QTMAN: variants seen among roughly 807,000 people sequenced by gnomAD.
QTMAN encodes queuosine-tRNA mannosyltransferase, also known as tRNA-queuosine alpha-mannosyltransferase.
the QTMAN span, among the ~76,000 whole-genome samples, chr2:144,259,955 A>C: frequency 2.0e-5 from 3 of 152,162 alleles, no homozygotes; most frequent in African/African-American, 7.2e-5. Flanking sequence ...AATAGAATGC[A>C]AATGTTGCAC....
the QTMAN span, among the ~76,000 whole-genome samples, chr2:144,136,395 A>AAAGGAAAGG: frequency 1.2e-3 from 120 of 97,452 alleles, 1 homozygote; most frequent in African/African-American, 2.9e-3. Flanking sequence ...AAGGAAAAGG[A>AAAGGAAAGG]AAAGGAAAGG....
At chr2:144,153,386 T>C in the QTMAN span, among the ~76,000 whole-genome samples, 1 of 152,170 alleles carries the variant, frequency 6.6e-6, no homozygotes, top group Non-Finnish European at 1.5e-5. Context: ...AAGATTACTC[T>C]AAATATAACC....
chr2:144,327,645 GC>G, the QTMAN span, among the ~76,000 whole-genome samples: 6 of 152,244 alleles, frequency 3.9e-5, no homozygotes, highest in South Asian at 1.2e-3. Flanking sequence ...CAGCCATGGA[GC>G]CTAGATCTCA....
At chr2:144,137,725 G>A in the QTMAN span, among the ~76,000 whole-genome samples, 3 of 151,786 alleles carry the variant, frequency 2.0e-5, no homozygotes, top group South Asian at 6.2e-4. Context: ...GAGAGAGAAA[G>A]AGAGAGAGAG....
At chr2:144,317,051 A>T in the QTMAN span, among the ~76,000 whole-genome samples, 5 of 152,180 alleles carry the variant, frequency 3.3e-5, no homozygotes, top group African/African-American at 1.2e-4. Flanking sequence ...TCATAATGAT[A>T]ACAAGCCACT....
chr2:144,148,720 A>G, the QTMAN span, among the ~76,000 whole-genome samples: 1 of 151,824 alleles, frequency 6.6e-6, no homozygotes, highest in East Asian at 1.9e-4. Flanking sequence ...ATTCAACCCT[A>G]AAGTTCAGCC....
chr2:144,092,708 T>C, the QTMAN span, among the ~76,000 whole-genome samples: 3 of 152,188 alleles, frequency 2.0e-5, no homozygotes, highest in East Asian at 3.8e-4. Context: ...CTTGAGGTAG[T>C]AGTTTCCTAA....
the QTMAN span, among the ~76,000 whole-genome samples, chr2:144,066,440 A>G: frequency 6.6e-6 from 1 of 152,294 alleles, no homozygotes; most frequent in East Asian, 1.9e-4. Flanking sequence ...CATTTAGCCA[A>G]TTTTTCAGCA....
the QTMAN span, among the ~76,000 whole-genome samples, chr2:143,976,287 TTGTTA>T: frequency 6.6e-6 from 1 of 152,208 alleles, no homozygotes; most frequent in Non-Finnish European, 1.5e-5. Context: ...CCTTAGTTTC[TTGTTA>T]CTTGGGGTTC....
chr2:144,271,753 T>C, the QTMAN span, among the ~76,000 whole-genome samples: 1 of 152,080 alleles, frequency 6.6e-6, no homozygotes, highest in Non-Finnish European at 1.5e-5. Flanking sequence ...TTTACCCTCC[T>C]CCCTTTAAAA....
At chr2:144,210,069 C>G in the QTMAN span, among the ~76,000 whole-genome samples, 1 of 143,584 alleles carries the variant, frequency 7.0e-6, no homozygotes, top group African/African-American at 2.6e-5. Context: ...CGGGGGGGGG[C>G]TGTGGGGGAC....
At chr2:144,073,533 C>T in the QTMAN span, among the ~76,000 whole-genome samples, 4 of 152,146 alleles carry the variant, frequency 2.6e-5, no homozygotes, top group Admixed American at 2.0e-4. Context: ...TTACAGAGCC[C>T]AAGAAGTTCT....
At chr2:144,232,511 C>T in the QTMAN span, among the ~76,000 whole-genome samples, 3 of 152,204 alleles carry the variant, frequency 2.0e-5, no homozygotes, top group South Asian at 6.2e-4. Flanking sequence ...ACATTTGTTA[C>T]ACTGTTACAA....
chr2:144,266,346 A>G, the QTMAN span, among the ~76,000 whole-genome samples: 1 of 152,252 alleles, frequency 6.6e-6, no homozygotes, highest in African/African-American at 2.4e-5. Flanking sequence ...AAAGAATCAG[A>G]GCTTGGGAGC....
the QTMAN span, chr2:143,951,945 G>A: frequency 4.3e-6 from 4 of 927,104 alleles, no homozygotes; most frequent in Non-Finnish European, 6.9e-6. Flanking sequence ...ACTTCAATAT[G>A]GCATTTATAC....
chr2:144,079,398 T>C, the QTMAN span, among the ~76,000 whole-genome samples: 2 of 152,152 alleles, frequency 1.3e-5, no homozygotes, highest in East Asian at 3.8e-4. Context: ...TATGTTAAAC[T>C]AGATCATATG....
At chr2:144,200,154 G>A in the QTMAN span, among the ~76,000 whole-genome samples, 1 of 152,142 alleles carries the variant, frequency 6.6e-6, no homozygotes, top group African/African-American at 2.4e-5. Context: ...TGAAAAGTAG[G>A]CTGTTATAAA....
chr2:144,181,978 C>T, the QTMAN span, among the ~76,000 whole-genome samples: 565 of 152,122 alleles, frequency 3.7e-3, 2 homozygotes, highest in African/African-American at 0.012. Flanking sequence ...CTGAAAAAAG[C>T]GCTCTGTGGC....
At chr2:144,089,224 C>T in the QTMAN span, among the ~76,000 whole-genome samples, 2 of 151,876 alleles carry the variant, frequency 1.3e-5, no homozygotes, top group Non-Finnish European at 2.9e-5. Context: ...TGAACATCAT[C>T]AAGCATCAGA....
Sources: allele counts gnomAD v4.1 joint callset (sites outside exome capture counted in the v4.1 genomes callset), GRCh38; gene constraint gnomAD v4.1.1; transcripts MANE v1.5; gene names NCBI Gene and HGNC (gene_info 2026-07-23, HGNC 2026-07-21).